CLINT1: variants seen among roughly 807,000 people sequenced by gnomAD.
CLINT1 encodes clathrin interactor 1.
In CLINT1, 15 loss-of-function variants were observed where a neutral mutation model predicts 70.4. The observed-to-expected ratio is 0.21, with a 90% CI of 0.14 to 0.33. CLINT1 has a LOEUF of 0.33. Ranked by LOEUF, CLINT1 falls within the 10% of genes least tolerant of loss-of-function variation. The probability of loss-of-function intolerance (pLI) is 1.00; values close to 1 mark genes in which losing one functional copy is unlikely to be tolerated. For synonymous variants in CLINT1, 227 were observed against 254.7 expected (o/e 0.89, Z 1.04); for missense variants, 615 against 778.1 (o/e 0.79, Z 2.49).
intron 8 of CLINT1, among the ~76,000 whole-genome samples, chr5:157,801,434 G>A (rs1190629376): frequency 1.3e-5 from 2 of 152,046 alleles, no homozygotes; most frequent in Non-Finnish European, 2.9e-5. Flanking sequence ...TTGAACCCGG[G>A]AGGCAGAGGT....
chr5:157,799,036 A>G (rs1045841973), intron 8 of CLINT1, among the ~76,000 whole-genome samples: 1 of 152,156 alleles, frequency 6.6e-6, no homozygotes, highest in East Asian at 1.9e-4. Flanking sequence ...CATATCTAAA[A>G]GCCTGAAAAA....
chr5:157,835,818 C>T (rs544990367), intron 1 of CLINT1, among the ~76,000 whole-genome samples: 45 of 152,260 alleles, frequency 3.0e-4, no homozygotes, highest in Admixed American at 5.2e-4. Flanking sequence ...CTTGCCAAGA[C>T]TTAAAAAGTT....
intron 1 of CLINT1, among the ~76,000 whole-genome samples, chr5:157,825,931 T>C (rs10052253): frequency 0.015 from 2,259 of 152,240 alleles, 55 homozygotes; most frequent in African/African-American, 0.051. Context: ...CTACTGAACA[T>C]TGCTGATTGA....
intron 1 of CLINT1, among the ~76,000 whole-genome samples, chr5:157,826,668 G>C (rs1763051466): frequency 6.6e-6 from 1 of 152,098 alleles, no homozygotes; most frequent in Admixed American, 6.6e-5. Context: ...TAAATTTCCT[G>C]TGTCAAACCT....
intron 6 of CLINT1, among the ~76,000 whole-genome samples, chr5:157,807,344 C>A (rs1184474790): frequency 2.0e-5 from 3 of 152,074 alleles, no homozygotes; most frequent in African/African-American, 7.2e-5. Context: ...TCCCATTAGT[C>A]CTACAAGTAA....
At chr5:157,826,533 CA>C (rs1763045995) in intron 1 of CLINT1, among the ~76,000 whole-genome samples, 1 of 148,166 alleles carries the variant, frequency 6.7e-6, no homozygotes, top group Non-Finnish European at 1.5e-5. Flanking sequence ...TTTTTTAATA[CA>C]GAAATAATTT....
At chr5:157,827,085 T>C (rs946820495) in intron 1 of CLINT1, among the ~76,000 whole-genome samples, 1 of 152,182 alleles carries the variant, frequency 6.6e-6, no homozygotes, top group Non-Finnish European at 1.5e-5. Context: ...CTGAGATTTC[T>C]AACAACCAAT....
At chr5:157,823,847 T>C in intron 1 of CLINT1, 1 of 201,250 alleles carries the variant, frequency 5.0e-6, no homozygotes, top group Non-Finnish European at 8.9e-6. Context: ...CGAGCGAGCG[T>C]CACTGCCTGA....
chr5:157,792,885 G>A lies in CLINT1; in HGVS notation c.1088-890C>T, dbSNP rs548144787. 2.0e-5 allele frequency among the ~76,000 whole-genome samples: 3 copies of A among 152,256 alleles called. No homozygotes were observed. The East Asian group carries it at 5.8e-4, about 29-fold the overall frequency. ...GTGAAGAAAGAGCTACATAAAAACC[G>A]TCATCTGAAAGCAAATAGTAAGTAT... On this transcript the variant is annotated intron_variant, in intron 9 of 11. Transcript: ENST00000411809.
chr5:157,791,832 G>C lies in CLINT1; in HGVS notation c.1251C>G (p.Ala417=). The part of the protein sequence containing the change: ...SQSALGPPPA[A]SNSSDLFDLM... ...GATCAAACAGGTCTGAAGAATTTGA[G>C]GCAGCAGGAGGTGGGCCTAGAGCTG... is the stretch of plus-strand genomic sequence containing the variant. Residue 417 remains alanine, a synonymous_variant, in exon 10 of 12, where the codon GCC becomes GCG. Transcript: ENST00000411809. The C allele has an allele frequency of 6.2e-7, 1 of 1,613,996 alleles. No homozygotes were observed. The highest frequency in any genetic ancestry group is 8.5e-7 in the Non-Finnish European group (1 of 1,179,868).
chr5:157,812,603 A>G (rs1415386478), intron 5 of CLINT1, among the ~76,000 whole-genome samples: 2 of 152,210 alleles, frequency 1.3e-5, no homozygotes, highest in African/African-American at 2.4e-5. Flanking sequence ...TAAATAAAGA[A>G]AGAGAGACTG....
intron 1 of CLINT1, among the ~76,000 whole-genome samples, chr5:157,838,263 C>A (rs887067514): frequency 6.6e-6 from 1 of 151,900 alleles, no homozygotes; most frequent in Non-Finnish European, 1.5e-5. Context: ...GCTGGGATTG[C>A]AGGCACCTGC....
rs549120768 is a variant in CLINT1, at chr5:157,833,801, C to T, written c.42-16254G>A. Among the ~76,000 whole-genome samples the T allele has an allele frequency of 9.9e-5, 15 of 151,492 alleles. No individual in the cohort carries two copies. The South Asian group carries it at 3.1e-3, about 32-fold the overall frequency. ...CAAAAAAATACAAAAATTATCCAGG[C>T]AAGGTGGTGTGCACCTGCAGTCCCA... is the stretch of plus-strand genomic sequence containing the variant. On this transcript the variant is annotated intron_variant, in intron 1 of 11. Transcript: ENST00000411809.
intron 4 of CLINT1, 93 bp from the exon 5 acceptor site, chr5:157,813,320 C>T: frequency 6.1e-6 from 7 of 1,142,016 alleles, no homozygotes; most frequent in Non-Finnish European, 8.3e-6. Context: ...AAAACTTCAA[C>T]ATAAGAAACT....
rs1761755634 is a variant in CLINT1, at chr5:157,787,345, C to G, written c.*301G>C. ...TTATTCAGCCCTATTCCAGTCTTCCCACAAATTATGCTGTTAAATGGACTC... is the reference window on the plus strand; with the variant it reads ...TTATTCAGCCCTATTCCAGTCTTCCGACAAATTATGCTGTTAAATGGACTC... On this transcript the variant is annotated 3_prime_UTR_variant, in exon 12 of 12. Transcript: ENST00000411809. 1 of 351,618 alleles carries G rather than the reference C, an allele frequency of 2.8e-6. No homozygotes were observed. The highest frequency in any genetic ancestry group is 5.6e-5 in the East Asian group (1 of 17,784). 21.8% of individuals were successfully genotyped at this position (351,618 alleles called of 1,614,324 possible).
intron 1 of CLINT1, among the ~76,000 whole-genome samples, chr5:157,840,192 C>CAAAAAAAAAAAAAAAAAAAAAAA (rs57245921): frequency 1.8e-5 from 1 of 55,334 alleles, no homozygotes; most frequent in Non-Finnish European, 2.9e-5. Context: ...GAGACTGCCT[C>CAAAAAAAAAAAAAAAAAAAAAAA]AAAAAAAAAA....
intron 1 of CLINT1, among the ~76,000 whole-genome samples, chr5:157,851,936 G>A (rs1196859467): frequency 6.6e-6 from 1 of 152,074 alleles, no homozygotes; most frequent in Non-Finnish European, 1.5e-5. Flanking sequence ...ATAATTTCTT[G>A]CCAATTTGAG....
rs1334911061 is a variant in CLINT1, at chr5:157,786,819, G to C, written c.*827C>G. ...CTGACTGTTCCTGACTTAAATGATGGCTACAGGGATAAACACGGAAGGAAG... is the reference window on the plus strand; with the variant it reads ...CTGACTGTTCCTGACTTAAATGATGCCTACAGGGATAAACACGGAAGGAAG... On this transcript the variant is annotated 3_prime_UTR_variant, in exon 12 of 12. Coordinates refer to ENST00000411809, the MANE Select transcript of CLINT1 (RefSeq NM_014666.4). The C allele has an allele frequency of 1.3e-5, 2 of 152,000 alleles. No individual in the cohort carries two copies. Among genetic ancestry groups the C allele is most frequent in the Non-Finnish European group, 2.9e-5 (2 of 68,000 alleles). The allele number at this position is 152,000 out of a possible 1,614,324, so 9.4% of individuals were successfully genotyped here.
chr5:157,834,363 T>TA (rs35913533), intron 1 of CLINT1, among the ~76,000 whole-genome samples: 1,879 of 143,774 alleles, frequency 0.013, 20 homozygotes, highest in African/African-American at 0.027. Context: ...ACAGAGCGAT[T>TA]AAAAAAAAAA....
Sources: allele counts gnomAD v4.1 joint callset (sites outside exome capture counted in the v4.1 genomes callset), GRCh38; gene constraint gnomAD v4.1.1; transcripts MANE v1.5; gene names NCBI Gene and HGNC (gene_info 2026-07-23, HGNC 2026-07-21).